ZDHHC21: variants seen among roughly 807,000 people sequenced by gnomAD.
ZDHHC21 encodes the protein palmitoyltransferase ZDHHC21.
Under a neutral mutation model 34.6 loss-of-function variants are expected in ZDHHC21, and 15 were observed. The ratio of observed to expected loss-of-function variants is 0.43; its 90% CI spans 0.29 to 0.67. ZDHHC21 has a LOEUF of 0.67. Among genes scored for constraint, ZDHHC21 ranks in the 30% least tolerant of loss-of-function variants. The pLI, the probability that ZDHHC21 is intolerant of heterozygous loss-of-function variation, is 0.14. For missense variants in ZDHHC21, 344 were observed against 327.7 expected (o/e 1.05, Z -0.38); for synonymous variants, 142 against 101.8 (o/e 1.40, Z -2.38).
intron 4 of ZDHHC21, 39 bp from the exon 5 acceptor site, chr9:14,672,967 CT>C: frequency 7.9e-7 from 1 of 1,259,298 alleles, no homozygotes; most frequent in South Asian, 1.6e-5. Context: ...GTCACTTACC[CT>C]TCAAAACATT....
At chr9:14,593,447 G>A in the ZDHHC21 span, 1 of 152,106 alleles carries the variant, frequency 6.6e-6, no homozygotes, top group Non-Finnish European at 1.5e-5. Flanking sequence ...AGGCTTAACA[G>A]GAAATACAAA....
chr9:14,610,501 A>C (rs570268851), downstream of ZDHHC21, among the ~76,000 whole-genome samples: 1 of 152,148 alleles, frequency 6.6e-6, no homozygotes, highest in East Asian at 1.9e-4. Flanking sequence ...CTGGTAATAA[A>C]ATTTTTAAAA....
chr9:14,640,346 CCAAAA>C (rs1829126764), intron 7 of ZDHHC21, among the ~76,000 whole-genome samples: 1 of 148,748 alleles, frequency 6.7e-6, no homozygotes, highest in Non-Finnish European at 1.5e-5. Context: ...AAAGAAAAAC[CCAAAA>C]CAAAACAAAA....
intron 8 of ZDHHC21, among the ~76,000 whole-genome samples, chr9:14,624,663 A>C (rs1383499806): frequency 6.6e-6 from 1 of 151,970 alleles, no homozygotes; most frequent in African/African-American, 2.4e-5. Flanking sequence ...GAAGTGAAGG[A>C]TGGGGAAGAG....
At position 14,653,012 on chromosome 9, in the gene ZDHHC21, G is replaced by A. The variant is rs951412499; in HGVS notation, c.504+5737C>T. On this transcript the variant is annotated intron_variant, in intron 7 of 9. Transcript: ENST00000380916. ...AGCTTTTGCTTCAGTCTGGCTGACA[G>A]AAGAACACAGGGTCAAAGTCCACCA... 3.0e-4 allele frequency among the ~76,000 whole-genome samples: 45 copies of A among 151,864 alleles called. 1 individual carries two copies. The highest frequency in any genetic ancestry group is 5.9e-5 in the Non-Finnish European group (4 of 67,876).
the ZDHHC21 span, among the ~76,000 whole-genome samples, chr9:14,602,204 A>T: frequency 6.6e-6 from 1 of 152,042 alleles, no homozygotes; most frequent in South Asian, 2.1e-4. Flanking sequence ...AATGAATGAA[A>T]TAAAAAAATT....
At chr9:14,674,969 C>T (rs1304705279) in intron 3 of ZDHHC21, among the ~76,000 whole-genome samples, 1 of 151,968 alleles carries the variant, frequency 6.6e-6, no homozygotes, top group Non-Finnish European at 1.5e-5. Flanking sequence ...CAGATTTGTG[C>T]ACTCTAGTTT....
At chr9:14,632,151 TTAAG>T (rs975443197) in intron 8 of ZDHHC21, among the ~76,000 whole-genome samples, 8 of 151,550 alleles carry the variant, frequency 5.3e-5, no homozygotes, top group African/African-American at 1.5e-4. Context: ...GGATAAGAAA[TTAAG>T]TGTTTATCAG....
intron 8 of ZDHHC21, among the ~76,000 whole-genome samples, chr9:14,626,551 A>C (rs1826239717): frequency 6.6e-6 from 1 of 151,980 alleles, no homozygotes; most frequent in Non-Finnish European, 1.5e-5. Flanking sequence ...GAGCAAACAG[A>C]AATTATGCAA....
chr9:14,645,080 T>G (rs929805340), intron 7 of ZDHHC21, among the ~76,000 whole-genome samples: 4 of 152,124 alleles, frequency 2.6e-5, no homozygotes, highest in African/African-American at 9.7e-5. Context: ...CTACACAATC[T>G]TATCTGACAA....
chr9:14,673,239 C>T (rs1284065125), intron 4 of ZDHHC21, among the ~76,000 whole-genome samples: 3 of 151,776 alleles, frequency 2.0e-5, no homozygotes, highest in Non-Finnish European at 4.4e-5. Context: ...AATAGGCTCC[C>T]GTTTAATTAC....
intron 8 of ZDHHC21, among the ~76,000 whole-genome samples, chr9:14,625,822 G>GA (rs1252284023): frequency 6.6e-6 from 1 of 151,826 alleles, no homozygotes; most frequent in Admixed American, 6.6e-5. Context: ...TAATCCAGTT[G>GA]AAAAAACAAG....
chr9:14,674,110 C>T (rs1474835758), intron 4 of ZDHHC21, 77 bp downstream of exon 4: 1 of 908,192 alleles, frequency 1.1e-6, no homozygotes, highest in Non-Finnish European at 1.6e-6. Context: ...GGAAAGTTAT[C>T]ATAGTGGCAC....
chr9:14,650,277 G>T (rs1227724355), intron 7 of ZDHHC21, among the ~76,000 whole-genome samples: 1 of 151,782 alleles, frequency 6.6e-6, no homozygotes, highest in Non-Finnish European at 1.5e-5. Context: ...AATAAAAAAT[G>T]TTACTAAGGA....
In ZDHHC21 at chr9:14,616,674, G is replaced by A. The variant is rs760453579; in HGVS notation, c.*2292C>T. 1.3e-5 allele frequency: 2 copies of A among 151,780 alleles called. No homozygotes were observed. The highest frequency in any genetic ancestry group is 6.6e-5 in the Admixed American group (1 of 15,198). The allele number at this position is 151,780 out of a possible 1,614,324, so 9.4% of individuals were successfully genotyped here. On this transcript the variant is annotated 3_prime_UTR_variant, in exon 10 of 10. Coordinates refer to ENST00000380916, the MANE Select transcript of ZDHHC21 (RefSeq NM_178566.6). ...CAAAACCCACAGGAGAGTTAGGTACGCTAACTGGGGAATACTGAAAGTTAC... is the reference window on the plus strand; with the variant it reads ...CAAAACCCACAGGAGAGTTAGGTACACTAACTGGGGAATACTGAAAGTTAC...
rs375635051 is a variant in ZDHHC21, at chr9:14,617,600, T to C, written c.*1366A>G. On this transcript the variant is annotated 3_prime_UTR_variant, in exon 10 of 10. Transcript: ENST00000380916. ...AAGGGAAAGACTGTGAGTACATAAA[T>C]TTTTTAAAAAGATATATGGGTTTTG... is the stretch of plus-strand genomic sequence containing the variant. The C allele has an allele frequency of 6.6e-6, 1 of 151,988 alleles. No homozygotes were observed. The highest frequency in any genetic ancestry group is 1.5e-5 in the Non-Finnish European group (1 of 67,928). The allele number at this position is 151,988 out of a possible 1,614,324, so 9.4% of individuals were successfully genotyped here.
the ZDHHC21 span, chr9:14,589,602 T>G: frequency 5.3e-5 from 8 of 152,052 alleles, no homozygotes; most frequent in Admixed American, 3.9e-4. Context: ...CACACTTGAG[T>G]AGGATGAGAC....
downstream of ZDHHC21, among the ~76,000 whole-genome samples, chr9:14,610,747 A>C (rs989364464): frequency 5.9e-5 from 9 of 152,152 alleles, no homozygotes; most frequent in African/African-American, 2.2e-4. Context: ...AAGAAAAAAT[A>C]CTGCTATAAA....
downstream of ZDHHC21, among the ~76,000 whole-genome samples, chr9:14,608,085 T>C (rs1408488237): frequency 2.0e-5 from 3 of 152,168 alleles, no homozygotes; most frequent in East Asian, 1.9e-4. Flanking sequence ...AAACCCTTCA[T>C]ACTGGTTACT....
Sources: allele counts gnomAD v4.1 joint callset (sites outside exome capture counted in the v4.1 genomes callset), GRCh38; gene constraint gnomAD v4.1.1; transcripts MANE v1.5; gene names NCBI Gene and HGNC (gene_info 2026-07-23, HGNC 2026-07-21).